GOLGA2: variants seen among roughly 807,000 people sequenced by gnomAD.
The protein encoded by GOLGA2 is golgin A2.
In GOLGA2, 49 loss-of-function variants were observed where a neutral mutation model predicts 148.8. That is an observed-to-expected ratio of 0.33 (90% CI 0.26 to 0.42). GOLGA2 has a LOEUF of 0.42. Ranked by LOEUF, GOLGA2 falls within the 10% of genes least tolerant of loss-of-function variation. The pLI, the probability that GOLGA2 is intolerant of heterozygous loss-of-function variation, is 1.00. For synonymous variants in GOLGA2, 501 were observed against 511.8 expected, an observed-to-expected ratio of 0.98 and a Z score of 0.28; for missense variants, 1,178 against 1,304.6, an observed-to-expected ratio of 0.90 and a Z score of 1.49.
chr9:128,257,927 C>T lies in GOLGA2; in HGVS notation c.2509-35G>A, dbSNP rs536579818. 6.8e-6 allele frequency: 11 copies of T among 1,606,826 alleles called. No homozygotes were observed. The highest frequency in any genetic ancestry group is 4.0e-5 in the African/African-American group (3 of 74,910). Reference sequence around the variant, plus strand: ...AAATAATGGAGTCATATATCGGCAGCGACCTGCCCCGCCCCCACCCTTCTT... The same window carrying T: ...AAATAATGGAGTCATATATCGGCAGTGACCTGCCCCGCCCCCACCCTTCTT... On this transcript the variant is annotated intron_variant, in intron 23 of 26. Coordinates refer to ENST00000611957, the MANE Select transcript of GOLGA2 (RefSeq NM_001366244.2). The surrounding 1 kb of genome is among the most constrained non-coding windows in gnomAD (Gnocchi z 8.0).
chr9:128,257,140 A>G lies in GOLGA2; in HGVS notation c.3017T>C (p.Leu1006Ser). ...AAAAGGAATGCAGGGGTTGCTGCCC[A>G]AGCCTGGGCGCTCCCGGGGGTTCTG... Reference protein sequence around the residue: ...EMQNPRERPGLGSNPCIPFFY... With the variant: ...EMQNPRERPGSGSNPCIPFFY... The change falls in exon 27 of 27, where the codon TTG (leucine) becomes TCG (serine). Residue 1006 changes from leucine to serine, a missense_variant. Coordinates refer to ENST00000611957, the MANE Select transcript of GOLGA2 (RefSeq NM_001366244.2). This position sits in a 1 kb window ranked among gnomAD's most constrained non-coding sequence, Gnocchi z 8.0. 6.2e-7 allele frequency: 1 copy of G among 1,614,156 alleles called. No individual in the cohort carries two copies. The highest frequency in any genetic ancestry group is 8.5e-7 in the Non-Finnish European group (1 of 1,180,012).
intron 1 of GOLGA2, among the ~76,000 whole-genome samples, chr9:128,275,213 C>T (rs577304567): frequency 6.6e-6 from 1 of 152,272 alleles, no homozygotes; most frequent in East Asian, 1.9e-4. Context: ...TCCCATAGTC[C>T]CCAATCCCCT....
intron 12 of GOLGA2, among the ~76,000 whole-genome samples, chr9:128,265,372 C>A (rs554611698): frequency 6.6e-6 from 1 of 152,194 alleles, no homozygotes; most frequent in Non-Finnish European, 1.5e-5. Flanking sequence ...CCGAGCTCTG[C>A]GTCCAGTGTT....
Position 128,257,736 on chromosome 9 carries a change from G to A in GOLGA2, c.2612-29C>T, listed in dbSNP as rs1379355930. 6 of 1,610,208 alleles carry A rather than the reference G, an allele frequency of 3.7e-6. No homozygotes were observed. The highest frequency in any genetic ancestry group is 5.1e-6 in the Non-Finnish European group (6 of 1,176,528). On this transcript the variant is annotated intron_variant, in intron 24 of 26. Transcript: ENST00000611957. The surrounding 1 kb of genome is among the most constrained non-coding windows in gnomAD (Gnocchi z 8.0). ...CGGGAGGACAGGGCTCAGATGCTGGGTTCCCTCCGACCGCTGTGCAGCTCC... is the reference window on the plus strand; with the variant it reads ...CGGGAGGACAGGGCTCAGATGCTGGATTCCCTCCGACCGCTGTGCAGCTCC...
At chr9:128,262,394 C>A (rs778432443) in intron 14 of GOLGA2, among the ~76,000 whole-genome samples, 169 bp downstream of exon 14, 123 of 152,230 alleles carry the variant, frequency 8.1e-4, no homozygotes, top group Non-Finnish European at 1.6e-3. Context: ...TTCCCCAGGT[C>A]CCCAATTTGT....
chr9:128,268,739 G>A (rs544510415), intron 3 of GOLGA2, among the ~76,000 whole-genome samples: 3 of 152,284 alleles, frequency 2.0e-5, no homozygotes, highest in South Asian at 2.1e-4. Flanking sequence ...GGGGCTGCAC[G>A]GCCTCCTTCA....
At chr9:128,275,622 C>A in intron 1 of GOLGA2, 1 of 789,078 alleles carries the variant, frequency 1.3e-6, no homozygotes, top group South Asian at 2.3e-5. Context: ...CCAGGGAGGT[C>A]GGACTTCGGG....
intron 14 of GOLGA2, among the ~76,000 whole-genome samples, chr9:128,262,182 G>T (rs998316482): frequency 1.3e-4 from 18 of 137,136 alleles, no homozygotes; most frequent in African/African-American, 4.3e-4. Context: ...GCGAGACCCC[G>T]TCTAAAAAAA....
chr9:128,275,811 A>G, intron 1 of GOLGA2, 82 bp downstream of exon 1: 1 of 734,566 alleles, frequency 1.4e-6, no homozygotes, highest in South Asian at 1.8e-5. Context: ...GTGCCTCAGG[A>G]GTGGCAGAGA....
intron 4 of GOLGA2, 105 bp from the exon 5 acceptor site, chr9:128,268,265 C>T: frequency 3.3e-6 from 4 of 1,204,714 alleles, no homozygotes; most frequent in Non-Finnish European, 4.9e-6. Context: ...CTTCAATCTC[C>T]CCAGGCCTCA....
rs763275013 is a variant in GOLGA2, at chr9:128,261,496, C to T, written c.1290G>A (p.Glu430=). ...RDKYAENLKG[E]SAMWRQRMQQ... ...GCATCCTCTGCCGCCACATGGCGCT[C>T]TCTCCTTTGAGATTCTCCGCATATT... Residue 430 remains glutamate (E), a synonymous_variant, in exon 16 of 27, where the codon GAG becomes GAA. Coordinates refer to ENST00000611957, the MANE Select transcript of GOLGA2 (RefSeq NM_001366244.2). This position sits in a 1 kb window ranked among gnomAD's most constrained non-coding sequence, Gnocchi z 5.7. The T allele has an allele frequency of 6.2e-7, 1 of 1,612,156 alleles. No individual in the cohort carries two copies. The highest frequency in any genetic ancestry group is 8.5e-7 in the Non-Finnish European group (1 of 1,178,142).
Position 128,271,873 on chromosome 9 carries a change from T to G in GOLGA2, c.288+912A>C, listed in dbSNP as rs1830970158. On this transcript the variant is annotated intron_variant, in intron 3 of 26. Coordinates refer to ENST00000611957, the MANE Select transcript of GOLGA2 (RefSeq NM_001366244.2). This position sits in a 1 kb window ranked among gnomAD's most constrained non-coding sequence, Gnocchi z 4.4. The stretch of plus-strand genomic sequence containing the variant: ...CCAATGAATATGGCTAAATGTCCAT[T>G]TGGAGAGATTAGGGGCAGAACGTCT... Among the ~76,000 whole-genome samples, 1 of 152,126 alleles carries G rather than the reference T, an allele frequency of 6.6e-6. No individual in the cohort carries two copies. Among genetic ancestry groups the G allele is most frequent in the South Asian group, 2.1e-4 (1 of 4,824 alleles).
intron 19 of GOLGA2, 84 bp downstream of exon 19, chr9:128,259,992 G>T: frequency 1.1e-6 from 1 of 932,162 alleles, no homozygotes; most frequent in Non-Finnish European, 1.7e-6. Flanking sequence ...TGTGCCCCAG[G>T]CTGGAGCTGC....
In GOLGA2 at chr9:128,266,099, C is replaced by T. The variant is rs1023735444; in HGVS notation, c.682-79G>A. On this transcript the variant is annotated intron_variant, in intron 9 of 26. Transcript: ENST00000611957. The surrounding 1 kb of genome is among the most constrained non-coding windows in gnomAD (Gnocchi z 4.2). ...CAAGGGACATGCCCCCAGAATGCCA[C>T]CAATGTCCCAGGACAGGCCCACCCA... The T allele has an allele frequency of 2.9e-5, 42 of 1,427,860 alleles. No individual in the cohort carries two copies. The African/African-American group carries it at 5.6e-4, about 19-fold the overall frequency. 88.4% of individuals were successfully genotyped at this position (1,427,860 alleles called of 1,614,324 possible).
chr9:128,267,143 TGGAGCCCA>T (rs1830639954), intron 8 of GOLGA2, 43 bp downstream of exon 8: 1 of 1,212,592 alleles, frequency 8.2e-7, no homozygotes. Flanking sequence ...AAGGGGAAAC[TGGAGCCCA>T]GGATTAGCAG....
chr9:128,268,678 C>T (rs1164143088), intron 3 of GOLGA2, among the ~76,000 whole-genome samples, 154 bp from the exon 4 acceptor site: 1 of 152,148 alleles, frequency 6.6e-6, no homozygotes, highest in Non-Finnish European at 1.5e-5. Flanking sequence ...GGATTGGTTG[C>T]CCAGGCCTTG....
At position 128,266,582 on chromosome 9, in the gene GOLGA2, A is replaced by G. The variant is rs182766002; in HGVS notation, c.643-257T>C. ...AAAGGACAGTAACATAAACCTCTAGAGATGGAGTGTGAGAAAAGCCCACCC... is the reference window on the plus strand; with the variant it reads ...AAAGGACAGTAACATAAACCTCTAGGGATGGAGTGTGAGAAAAGCCCACCC... On this transcript the variant is annotated intron_variant, in intron 8 of 26. Transcript: ENST00000611957. The surrounding 1 kb of genome is among the most constrained non-coding windows in gnomAD (Gnocchi z 4.2). The G allele has an allele frequency of 1.0e-4, 59 of 567,402 alleles. No individual in the cohort carries two copies. The Admixed American group carries it at 1.4e-3, about 14-fold the overall frequency. 35.1% of individuals were successfully genotyped at this position (567,402 alleles called of 1,614,324 possible).
intron 1 of GOLGA2, 145 bp downstream of exon 1, chr9:128,275,748 G>A: frequency 1.7e-6 from 1 of 594,650 alleles, no homozygotes; most frequent in South Asian, 2.2e-5. Flanking sequence ...GGGGCTGGCT[G>A]ACAAGACTTT....
Position 128,257,165 on chromosome 9 carries a change from G to T in GOLGA2, c.2992C>A (p.Gln998Lys), listed in dbSNP as rs951638172. Reference protein sequence around the residue: ...QQIMQLLREMQNPRERPGLGS... With the variant: ...QQIMQLLREMKNPRERPGLGS... ...AAGCCTGGGCGCTCCCGGGGGTTCT[G>T]CATCTCACGAAGCAGCTGCATGATC... The change falls in exon 27 of 27, where the codon CAG becomes AAG. Residue 998 changes from glutamine (Q) to lysine (K), a missense_variant. Physicochemically the swap from Gln to Lys is moderately conservative, Grantham distance 53. This residue lies in a region of GOLGA2 where 149 missense variants were observed against 154.9 expected (regional missense o/e 0.96). Transcript: ENST00000611957. This position sits in a 1 kb window ranked among gnomAD's most constrained non-coding sequence, Gnocchi z 8.0. The T allele has an allele frequency of 5.0e-6, 8 of 1,613,990 alleles. No homozygotes were observed. In the African/African-American group the frequency reaches 1.1e-4, roughly 22 times the overall value.
Sources: allele counts gnomAD v4.1 joint callset (sites outside exome capture counted in the v4.1 genomes callset), GRCh38; gene constraint gnomAD v4.1.1; regional missense constraint gnomAD v4.1.1; non-coding constraint Gnocchi (gnomAD v3.1); transcripts MANE v1.5; gene names NCBI Gene and HGNC (gene_info 2026-07-23, HGNC 2026-07-21).